CRYM: variants seen among roughly 807,000 people sequenced by gnomAD.
CRYM encodes the protein crystallin mu, also known as ketimine reductase mu-crystallin.
In CRYM, 18 loss-of-function variants were observed where a neutral mutation model predicts 32.9. That is an observed-to-expected ratio of 0.55 (90% CI 0.38 to 0.81). The LOEUF (loss-of-function observed/expected upper bound fraction) is 0.81, where lower values mean the gene tolerates loss of function less well. Ranked by LOEUF, CRYM falls within the 30% of genes least tolerant of loss-of-function variation. CRYM has a pLI of 0.00. For synonymous variants in CRYM, 153 were observed against 152.4 expected, an observed-to-expected ratio of 1.00 and a Z score of -0.03; for missense variants, 337 against 393.5, an observed-to-expected ratio of 0.86 and a Z score of 1.21.
chr16:21,294,410 G>A (rs931178665), intron 1 of CRYM, among the ~76,000 whole-genome samples: 1 of 152,120 alleles, frequency 6.6e-6, no homozygotes, highest in African/African-American at 2.4e-5. Flanking sequence ...AGGTATACAT[G>A]TGCCATGGTG....
chr16:21,266,884 G>A (rs998366797), intron 5 of CRYM, among the ~76,000 whole-genome samples: 1 of 151,768 alleles, frequency 6.6e-6, no homozygotes, highest in Admixed American at 6.6e-5. Flanking sequence ...GCACATGCCT[G>A]TAGTCCCAGC....
At position 21,261,235 on chromosome 16, in the gene CRYM, A is replaced by G. The variant is rs1373848846; in HGVS notation, c.880+19T>C. 9 of 1,602,546 alleles carry G rather than the reference A, an allele frequency of 5.6e-6. No individual in the cohort carries two copies. Among genetic ancestry groups the G allele is most frequent in the East Asian group, 2.2e-5 (1 of 44,822 alleles). On this transcript the variant is annotated intron_variant, in intron 7 of 7. Coordinates refer to ENST00000572914, the MANE Select transcript of CRYM (RefSeq NM_001376256.1). ...TTGTGCGCTAGTTGGATTTGTGCCC[A>G]GGGAGCAATGGATCTTACCCAAAGA...
intron 1 of CRYM, 41 bp downstream of exon 1, chr16:21,278,041 T>C: frequency 6.6e-7 from 1 of 1,525,474 alleles, no homozygotes; most frequent in Non-Finnish European, 8.8e-7. Flanking sequence ...TTCCCCGCTT[T>C]CCAGTTTCTC....
chr16:21,302,079 A>C (rs924775013), intron 1 of CRYM, among the ~76,000 whole-genome samples: 1 of 152,222 alleles, frequency 6.6e-6, no homozygotes, highest in Non-Finnish European at 1.5e-5. Flanking sequence ...CAACACACAC[A>C]CACCCACACA....
In CRYM at chr16:21,269,882, G is replaced by A; in HGVS notation, c.397C>T (p.Pro133Ser). ...VSAIATKFLK[P>S]PSSEVLCILG... ...ATGCACAGCACTTCACTGCTGGGAG[G>A]TTTCAGAAACTATATGAGAGAAATG... Residue 133 changes from proline to serine, a missense_variant, in exon 4 of 8, where the codon CCT (proline) becomes TCT (serine). Physicochemically the swap from Pro to Ser is moderately conservative, Grantham distance 74. Transcript: ENST00000572914. The A allele has an allele frequency of 1.2e-6, 2 of 1,613,350 alleles. No individual in the cohort carries two copies. The highest frequency in any genetic ancestry group is 1.7e-6 in the Non-Finnish European group (2 of 1,179,384).
chr16:21,276,811 G>A (rs1490934855), intron 2 of CRYM, among the ~76,000 whole-genome samples: 1 of 152,156 alleles, frequency 6.6e-6, no homozygotes, highest in Non-Finnish European at 1.5e-5. Flanking sequence ...ATAAACCTCG[G>A]TAAGTTGAAC....
chr16:21,267,101 G>A (rs2093365258), intron 5 of CRYM, among the ~76,000 whole-genome samples: 1 of 151,998 alleles, frequency 6.6e-6, no homozygotes. Context: ...AGCAAATATT[G>A]TTTGTTTGTT....
upstream of CRYM, chr16:21,278,712 G>A (rs1441164028): frequency 5.6e-6 from 1 of 178,300 alleles, no homozygotes; most frequent in African/African-American, 2.4e-5. Flanking sequence ...GATAAAAGGA[G>A]ACGGAGGCTT....
intron 1 of CRYM, chr16:21,283,549 C>T (rs2093401734): frequency 6.6e-6 from 1 of 151,952 alleles, no homozygotes; most frequent in African/African-American, 2.4e-5. Context: ...TTCCCCTTAT[C>T]CCTAACCTCT....
At chr16:21,290,787 C>T (rs1960629491) in intron 1 of CRYM, among the ~76,000 whole-genome samples, 1 of 152,124 alleles carries the variant, frequency 6.6e-6, no homozygotes. Context: ...GGATGTATGT[C>T]CTTTCAACTG....
chr16:21,300,757 A>C (rs900540064), intron 1 of CRYM: 1 of 152,224 alleles, frequency 6.6e-6, no homozygotes, highest in Non-Finnish European at 1.5e-5. Flanking sequence ...TCGGAGCTGG[A>C]GCAAGTCGTA....
intron 5 of CRYM, among the ~76,000 whole-genome samples, chr16:21,265,636 T>C (rs777659627): frequency 6.6e-6 from 1 of 152,212 alleles, no homozygotes; most frequent in Non-Finnish European, 1.5e-5. Flanking sequence ...TCTAGAATAG[T>C]GCCTGGCACA....
At chr16:21,287,018 A>G (rs948419418) in intron 1 of CRYM, among the ~76,000 whole-genome samples, 6 of 151,734 alleles carry the variant, frequency 4.0e-5, no homozygotes, top group Non-Finnish European at 8.8e-5. Flanking sequence ...TGAACCCAGG[A>G]GGCGGAGTTT....
intron 5 of CRYM, chr16:21,262,444 C>T: frequency 8.1e-6 from 3 of 370,906 alleles, no homozygotes; most frequent in Non-Finnish European, 1.0e-5. Context: ...ATGGTGAAAC[C>T]CTGTGTCTAC....
chr16:21,290,954 AC>A (rs1346716491), intron 1 of CRYM, among the ~76,000 whole-genome samples: 3 of 152,342 alleles, frequency 2.0e-5, no homozygotes, highest in African/African-American at 7.2e-5. Flanking sequence ...GATGATATGG[AC>A]ATCAGCTTTC....
chr16:21,292,011 GTCT>G (rs1191519220), intron 1 of CRYM, among the ~76,000 whole-genome samples: 4 of 152,052 alleles, frequency 2.6e-5, no homozygotes, highest in Admixed American at 2.0e-4. Context: ...TTGATTGGAT[GTCT>G]TCTTCTAGAA....
chr16:21,300,058 C>T (rs2152866112), intron 1 of CRYM: 1 of 152,322 alleles, frequency 6.6e-6, no homozygotes, highest in Middle Eastern at 3.4e-3. Context: ...GGGATTCGGG[C>T]ATTTGGAATG....
intron 5 of CRYM, among the ~76,000 whole-genome samples, chr16:21,262,608 G>A (rs995643233): frequency 5.9e-5 from 9 of 152,032 alleles, no homozygotes; most frequent in Non-Finnish European, 1.2e-4. Context: ...AACAGAGTGA[G>A]GCTCCATCTC....
At chr16:21,279,863 G>A (rs1024291852), upstream of CRYM, among the ~76,000 whole-genome samples, 1 of 144,738 alleles carries the variant, frequency 6.9e-6, no homozygotes, top group Non-Finnish European at 1.5e-5. Flanking sequence ...AACAGTGCTT[G>A]GCACAGAGTA....
Sources: allele counts gnomAD v4.1 joint callset (sites outside exome capture counted in the v4.1 genomes callset), GRCh38; gene constraint gnomAD v4.1.1; transcripts MANE v1.5; gene names NCBI Gene and HGNC (gene_info 2026-07-23, HGNC 2026-07-21).